The following PIGL variants were observed in gnomAD, a reference collection of about 807,000 sequenced individuals.
PIGL encodes the protein N-acetylglucosaminyl-phosphatidylinositol de-N-acetylase.
PIGL carries 22 observed loss-of-function variants against 31.1 expected under a neutral mutation model. The ratio of observed to expected loss-of-function variants is 0.71; its 90% CI spans 0.51 to 1.01. The LOEUF is 1.01. Among genes scored for constraint, PIGL ranks in the 50% least tolerant of loss-of-function variants. The pLI, the probability that PIGL is intolerant of heterozygous loss-of-function variation, is 0.00. For missense variants in PIGL, 302 were observed against 315.9 expected, an observed-to-expected ratio of 0.96 and a Z score of 0.33; for synonymous variants, 131 against 117.4, an observed-to-expected ratio of 1.12 and a Z score of -0.75.
At chr17:16,281,481 C>T (rs905457012) in intron 2 of PIGL, among the ~76,000 whole-genome samples, 3 of 152,164 alleles carry the variant, frequency 2.0e-5, no homozygotes, top group Non-Finnish European at 4.4e-5. Flanking sequence ...AAGCCAGATG[C>T]AACATTCATA....
At chr17:16,258,420 T>C (rs2092806206) in intron 2 of PIGL, among the ~76,000 whole-genome samples, 1 of 151,714 alleles carries the variant, frequency 6.6e-6, no homozygotes, top group African/African-American at 2.4e-5. Flanking sequence ...CCTCCTGATC[T>C]GCCCGCCTCG....
At position 16,217,306 on chromosome 17, in the gene PIGL, G is replaced by C; in HGVS notation, c.80G>C (p.Arg27Pro). 1 of 1,614,192 alleles carries C rather than the reference G, an allele frequency of 6.2e-7. No individual in the cohort carries two copies. Among genetic ancestry groups the C allele is most frequent in the Non-Finnish European group, 8.5e-7 (1 of 1,180,022 alleles). Residue 27 changes from arginine to proline, a missense_variant, in exon 1 of 7, where the codon CGA becomes CCA. Arg to Pro is a moderately radical substitution (Grantham distance 103). Coordinates refer to ENST00000225609, the MANE Select transcript of PIGL (RefSeq NM_004278.4). ...GFLWVWDSSE[R>P]MKSREQGGRL... ...CTCTGGGTTTGGGACTCCTCAGAAC[G>C]AATGAAGAGTCGGGAGCAGGGAGGA...
intron 1 of PIGL, among the ~76,000 whole-genome samples, chr17:16,226,097 G>C (rs924545251): frequency 2.8e-4 from 43 of 152,000 alleles, no homozygotes; most frequent in African/African-American, 9.9e-4. Context: ...TTGAGCCCAG[G>C]AGTTTGCGAC....
chr17:16,253,833 C>T (rs1217051474), intron 2 of PIGL, among the ~76,000 whole-genome samples: 1 of 152,068 alleles, frequency 6.6e-6, no homozygotes, highest in Non-Finnish European at 1.5e-5. Context: ...GTTCTAGGAA[C>T]TTAGGAGGCT....
intron 2 of PIGL, among the ~76,000 whole-genome samples, chr17:16,263,068 G>T (rs1428006786): frequency 7.6e-6 from 1 of 131,752 alleles, no homozygotes; most frequent in African/African-American, 2.8e-5. Flanking sequence ...AGGGAAAAAT[G>T]GGGTTTATTA....
chr17:16,269,230 T>C (rs1401226563), intron 2 of PIGL, among the ~76,000 whole-genome samples: 2 of 152,266 alleles, frequency 1.3e-5, no homozygotes, highest in Non-Finnish European at 2.9e-5. Flanking sequence ...GTCTGTCATC[T>C]CTGCTTTAGC....
intron 4 of PIGL, among the ~76,000 whole-genome samples, 180 bp from the exon 5 acceptor site, chr17:16,316,501 A>C (rs555385853): frequency 1.3e-5 from 2 of 152,166 alleles, no homozygotes; most frequent in Admixed American, 1.3e-4. Flanking sequence ...TGGTCCCTTC[A>C]GCTGTTGCCA....
chr17:16,237,734 G>T (rs565085133), intron 2 of PIGL, among the ~76,000 whole-genome samples: 2 of 150,410 alleles, frequency 1.3e-5, no homozygotes, highest in African/African-American at 4.9e-5. Context: ...AGAAGGTGGA[G>T]GCTGCAGTGA....
chr17:16,262,571 C>G (rs112915325), intron 2 of PIGL, among the ~76,000 whole-genome samples: 7,419 of 152,144 alleles, frequency 0.049, 618 homozygotes, highest in African/African-American at 0.17. Flanking sequence ...GTAACCCCAG[C>G]TACTTGGGAG....
At chr17:16,271,413 C>T (rs555635475) in intron 2 of PIGL, among the ~76,000 whole-genome samples, 2 of 152,270 alleles carry the variant, frequency 1.3e-5, no homozygotes, top group East Asian at 3.9e-4. Flanking sequence ...AATAATTGTC[C>T]TGCAAATAGG....
At chr17:16,263,671 C>T (rs2092828608) in intron 2 of PIGL, among the ~76,000 whole-genome samples, 1 of 151,268 alleles carries the variant, frequency 6.6e-6, no homozygotes, top group Non-Finnish European at 1.5e-5. Flanking sequence ...CTACAGTGTG[C>T]ACCACCACGC....
intron 3 of PIGL, among the ~76,000 whole-genome samples, chr17:16,300,958 C>G (rs1453539165): frequency 6.6e-6 from 1 of 152,140 alleles, no homozygotes; most frequent in Non-Finnish European, 1.5e-5. Flanking sequence ...GACTGCTTAG[C>G]CCATAGTCAA....
chr17:16,238,706 C>T (rs2092709924), intron 2 of PIGL, among the ~76,000 whole-genome samples: 3 of 149,082 alleles, frequency 2.0e-5, no homozygotes, highest in Admixed American at 6.7e-5. Context: ...GTCAGGAGTT[C>T]GAGACCATCC....
chr17:16,254,362 G>A (rs563665129), intron 2 of PIGL, among the ~76,000 whole-genome samples: 5 of 151,978 alleles, frequency 3.3e-5, no homozygotes, highest in East Asian at 3.9e-4. Context: ...TCTGCCTCCC[G>A]GGTTCAAGCG....
intron 2 of PIGL, among the ~76,000 whole-genome samples, chr17:16,271,531 G>T (rs1297658570): frequency 6.7e-6 from 1 of 149,724 alleles, no homozygotes; most frequent in Non-Finnish European, 1.5e-5. Flanking sequence ...ATTTCACATA[G>T]AACACTTTTT....
chr17:16,288,546 C>CT (rs11435438), intron 2 of PIGL, among the ~76,000 whole-genome samples: 72,489 of 147,716 alleles, frequency 0.49, 18,088 homozygotes, highest in Middle Eastern at 0.56. Flanking sequence ...TTTTCTTTTT[C>CT]TTTTTTTTTG....
chr17:16,320,625 G>A (rs991311694), intron 6 of PIGL, among the ~76,000 whole-genome samples: 3 of 152,082 alleles, frequency 2.0e-5, no homozygotes, highest in Non-Finnish European at 4.4e-5. Context: ...GGGTTTTTTT[G>A]TTTAGCTTTA....
intron 6 of PIGL, among the ~76,000 whole-genome samples, chr17:16,319,019 C>T (rs545186712): frequency 1.3e-4 from 19 of 150,836 alleles, no homozygotes; most frequent in African/African-American, 1.7e-4. Flanking sequence ...TTTGGGAGGC[C>T]GGGGTGGGTG....
chr17:16,281,193 G>T (rs1160853966), intron 2 of PIGL, among the ~76,000 whole-genome samples: 1 of 152,158 alleles, frequency 6.6e-6, no homozygotes, highest in Non-Finnish European at 1.5e-5. Context: ...GGACCCCTGA[G>T]AATTTAGCCA....
Sources: gnomAD v4.1 joint callset for allele counts (sites outside exome capture counted in the v4.1 genomes callset) on GRCh38, gnomAD v4.1.1 for gene constraint, MANE v1.5 for transcripts, NCBI Gene and HGNC (gene_info 2026-07-23, HGNC 2026-07-21) for gene names.